Variants in ZDHHC14 observed in about 807,000 individuals in gnomAD.
The protein encoded by ZDHHC14 is palmitoyltransferase ZDHHC14.
Under a neutral mutation model 47.7 loss-of-function variants are expected in ZDHHC14, and 16 were observed. That is an observed-to-expected ratio of 0.34 (90% CI 0.23 to 0.51). ZDHHC14 has a LOEUF of 0.51. ZDHHC14 is among the 20% of genes least tolerant of loss of function. The pLI, the probability that ZDHHC14 is intolerant of heterozygous loss-of-function variation, is 0.97. For synonymous variants in ZDHHC14, 293 were observed against 278.9 expected (o/e 1.05, Z -0.50); for missense variants, 515 against 662.5 (o/e 0.78, Z 2.44).
chr6:157,381,372 C>T lies in ZDHHC14; in HGVS notation c.-650C>T. On this transcript the variant is annotated 5_prime_UTR_variant, in exon 1 of 9. Transcript: ENST00000359775. ...GACTAGGCTGCCAGGCGCAGCGACA[C>T]CGGGTCGCGGTGCGAGCGGCGCCCC... 5.9e-6 allele frequency: 1 copy of T among 170,834 alleles called. No homozygotes were observed. Among genetic ancestry groups the T allele is most frequent in the South Asian group, 8.7e-5 (1 of 11,532 alleles). 10.6% of individuals were successfully genotyped at this position (170,834 alleles called of 1,614,324 possible).
At chr6:157,488,572 G>A (rs1779836618) in intron 1 of ZDHHC14, among the ~76,000 whole-genome samples, 1 of 152,156 alleles carries the variant, frequency 6.6e-6, no homozygotes, top group Admixed American at 6.5e-5. Context: ...ATCTCAGATG[G>A]CCACAAGGCT....
intron 8 of ZDHHC14, 96 bp from the exon 9 acceptor site, chr6:157,672,628 C>CCCCCA: frequency 4.1e-6 from 1 of 241,500 alleles, no homozygotes; most frequent in Non-Finnish European, 8.4e-6. Flanking sequence ...TCTCGCACCC[C>CCCCCA]ACCCTCCCCG....
Position 157,677,107 on chromosome 6 carries a change from A to ATAT in ZDHHC14, c.*3985_*3986insTAT, listed in dbSNP as rs1467549322. ...TTACATTTTCTATCAAGTACACATG[A>ATAT]GCTGTGGGAGTCTAGCATATTCTTG... On this transcript the variant is annotated 3_prime_UTR_variant, in exon 9 of 9. Coordinates refer to ENST00000359775, the MANE Select transcript of ZDHHC14 (RefSeq NM_024630.3). The ATAT allele has an allele frequency of 7.9e-5, 12 of 152,196 alleles. No homozygotes were observed. Among genetic ancestry groups the ATAT allele is most frequent in the African/African-American group, 2.7e-4 (11 of 41,450 alleles). The allele number at this position is 152,196 out of a possible 1,614,324, so 9.4% of individuals were successfully genotyped here. A position where few individuals can be genotyped will look rare whatever the true frequency, so the allele number is the denominator to read the frequency against.
chr6:157,593,478 C>T (rs1316472818), intron 3 of ZDHHC14, among the ~76,000 whole-genome samples: 3 of 152,172 alleles, frequency 2.0e-5, no homozygotes, highest in Non-Finnish European at 2.9e-5. Context: ...CACACACCTA[C>T]GGGAGGCACC....
In ZDHHC14 at chr6:157,485,680, A is replaced by ATT. The variant is rs199734094; in HGVS notation, c.246-56891_246-56890dup. Among the ~76,000 whole-genome samples the ATT allele has an allele frequency of 9.5e-3, 1,369 of 143,812 alleles. 14 individuals are homozygous for ATT. The highest frequency in any genetic ancestry group is 0.032 in the Middle Eastern group (9 of 280). 94.3% of individuals were successfully genotyped at this position (143,812 alleles called of 152,430 possible). Reference sequence around the variant, plus strand: ...TACCCTTGTATCTCCCCTATTTCTGATTTTTTTTTTTTTTTGAAGGGAAAA... The same window carrying ATT: ...TACCCTTGTATCTCCCCTATTTCTGATTTTTTTTTTTTTTTTTGAAGGGAAAA... On this transcript the variant is annotated intron_variant, in intron 1 of 8. Transcript: ENST00000359775.
chr6:157,442,340 G>A (rs954942167), intron 1 of ZDHHC14, among the ~76,000 whole-genome samples: 3 of 152,150 alleles, frequency 2.0e-5, no homozygotes, highest in Non-Finnish European at 2.9e-5. Context: ...CTGAGATCAC[G>A]CCATTGCACT....
chr6:157,585,413 CAAAA>C lies in ZDHHC14; in HGVS notation c.407-7561_407-7558del, dbSNP rs111505965. On this transcript the variant is annotated intron_variant, in intron 2 of 8. Coordinates refer to ENST00000359775, the MANE Select transcript of ZDHHC14 (RefSeq NM_024630.3). ...CAACAACCAAAGGAAACCAAAAATA[CAAAA>C]AAAAAAAAAAAAACCCAAAACCAGA... 6.1e-5 allele frequency among the ~76,000 whole-genome samples: 6 copies of C among 98,832 alleles called. No individual in the cohort carries two copies. The East Asian group carries it at 1.3e-3, about 22-fold the overall frequency. The allele number at this position is 98,832 out of a possible 152,430, so 64.8% of individuals were successfully genotyped here.
intron 1 of ZDHHC14, among the ~76,000 whole-genome samples, chr6:157,485,083 C>T (rs1029172289): frequency 3.9e-5 from 6 of 151,976 alleles, no homozygotes; most frequent in African/African-American, 1.5e-4. Context: ...GGCAACAGAG[C>T]AAGACTCTGT....
intron 3 of ZDHHC14, among the ~76,000 whole-genome samples, chr6:157,620,454 C>T (rs750173719): frequency 1.4e-4 from 22 of 152,220 alleles, no homozygotes; most frequent in Non-Finnish European, 2.8e-4. Context: ...TATTCAAACC[C>T]TAGCACCCTC....
At position 157,606,462 on chromosome 6, in the gene ZDHHC14, A is replaced by G. The variant is rs575129073; in HGVS notation, c.565+13316A>G. ...ACCTGGGGGACAAGAGCAAAACTCC[A>G]TCTCAAAAAAAAGAAAAAAGAAAAA... On this transcript the variant is annotated intron_variant, in intron 3 of 8. Transcript: ENST00000359775. Among the ~76,000 whole-genome samples, 9 of 152,296 alleles carry G rather than the reference A, an allele frequency of 5.9e-5. 1 individual carries two copies. In the East Asian group the frequency reaches 1.3e-3, roughly 23 times the overall value.
intron 1 of ZDHHC14, among the ~76,000 whole-genome samples, chr6:157,522,976 TTTTCTTTTTCTTTTC>T (rs1462509792): frequency 5.6e-5 from 2 of 35,826 alleles, no homozygotes; most frequent in Non-Finnish European, 1.1e-4. Flanking sequence ...TTTTCTTTTC[TTTTCTTTTTCTTTTC>T]TTTTCTTTTC....
intron 4 of ZDHHC14, among the ~76,000 whole-genome samples, chr6:157,628,988 T>C (rs577691527): frequency 3.1e-4 from 47 of 152,364 alleles, no homozygotes; most frequent in African/African-American, 1.1e-3. Flanking sequence ...GACTAGGTTT[T>C]CTTGCACACA....
intron 1 of ZDHHC14, among the ~76,000 whole-genome samples, chr6:157,493,792 G>A (rs141091908): frequency 0.046 from 7,050 of 152,304 alleles, 557 homozygotes; most frequent in African/African-American, 0.16. Context: ...GAAGTAGGCC[G>A]GCACACACAG....
rs1467869610 is a variant in ZDHHC14 at position 157,672,978 on chromosome 6, C to T, written c.1323C>T (p.Pro441=). 12 of 1,594,674 alleles carry T rather than the reference C, an allele frequency of 7.5e-6. No individual in the cohort carries two copies. Among genetic ancestry groups the T allele is most frequent in the African/African-American group, 4.0e-5 (3 of 74,464 alleles). Residue 441 remains proline (P), a synonymous_variant, in exon 9 of 9, where the codon CCC becomes CCT. Coordinates refer to ENST00000359775, the MANE Select transcript of ZDHHC14 (RefSeq NM_024630.3). The stretch of plus-strand genomic sequence containing the variant: ...ACATGGGCCACCAGTTCCTGACGCC[C>T]GATGAGGCGCCCTCGCCCCCCAGGC... ...DEHMGHQFLT[P]DEAPSPPRLL...
intron 1 of ZDHHC14, among the ~76,000 whole-genome samples, chr6:157,389,587 G>A (rs1204425073): frequency 6.6e-6 from 1 of 152,012 alleles, no homozygotes; most frequent in Non-Finnish European, 1.5e-5. Context: ...TAGATGAATT[G>A]CATATTTTTA....
intron 2 of ZDHHC14, among the ~76,000 whole-genome samples, chr6:157,571,575 T>A (rs1307060063): frequency 6.6e-6 from 1 of 152,168 alleles, no homozygotes; most frequent in Non-Finnish European, 1.5e-5. Context: ...GTAAGTGGCT[T>A]GCATCTTTCT....
At chr6:157,637,181 T>C (rs529614141) in intron 5 of ZDHHC14, among the ~76,000 whole-genome samples, 1 of 152,330 alleles carries the variant, frequency 6.6e-6, no homozygotes, top group South Asian at 2.1e-4. Flanking sequence ...GTGCCTGTCT[T>C]TCCTCTGGAC....
intron 4 of ZDHHC14, chr6:157,631,436 A>AC (rs1785734378): frequency 6.6e-6 from 1 of 152,004 alleles, no homozygotes; most frequent in Non-Finnish European, 1.5e-5. Flanking sequence ...CTCATCAGTG[A>AC]CCCCCACGAC....
chr6:157,549,422 G>A (rs962346325), intron 2 of ZDHHC14, among the ~76,000 whole-genome samples: 1 of 152,206 alleles, frequency 6.6e-6, no homozygotes, highest in African/African-American at 2.4e-5. Context: ...TAGATGTTCC[G>A]TGATGTTTGA....
Sources: allele counts gnomAD v4.1 joint callset (sites outside exome capture counted in the v4.1 genomes callset), GRCh38; gene constraint gnomAD v4.1.1; transcripts MANE v1.5; gene names NCBI Gene and HGNC (gene_info 2026-07-23, HGNC 2026-07-21).